Variants in CLYBL observed in about 807,000 individuals in gnomAD.
CLYBL encodes the protein citramalyl-CoA lyase, also known as citramalyl-CoA lyase, mitochondrial.
A neutral mutation model predicts 38.9 loss-of-function variants in CLYBL; 31 were observed. The observed-to-expected ratio is 0.80, with a 90% confidence interval of 0.60 to 1.08. The LOEUF (loss-of-function observed/expected upper bound fraction) is 1.08. Among genes scored for constraint, CLYBL ranks in the 50% least tolerant of loss-of-function variants. CLYBL has a pLI of 0.00. For synonymous variants in CLYBL, 171 were observed against 158.6 expected (o/e 1.08, Z -0.59); for missense variants, 434 against 411.6 (o/e 1.05, Z -0.47).
chr13:99,734,246 A>C (rs912605632), intron 1 of CLYBL, among the ~76,000 whole-genome samples: 61 of 152,254 alleles, frequency 4.0e-4, no homozygotes, highest in African/African-American at 1.4e-3. Context: ...AAGAGCAGAG[A>C]GCCCTCAAAA....
intron 1 of CLYBL, among the ~76,000 whole-genome samples, chr13:99,753,947 G>C (rs1432252344): frequency 6.6e-6 from 1 of 151,070 alleles, no homozygotes; most frequent in Non-Finnish European, 1.5e-5. Context: ...ACTTAGCTGG[G>C]CATGATGGCA....
At chr13:99,615,991 G>A (rs1594084186) in intron 1 of CLYBL, among the ~76,000 whole-genome samples, 1 of 151,932 alleles carries the variant, frequency 6.6e-6, no homozygotes, top group Non-Finnish European at 1.5e-5. Flanking sequence ...ACACCACCAC[G>A]CACAGCTAAT....
chr13:99,746,028 CA>C (rs11419450), intron 1 of CLYBL, among the ~76,000 whole-genome samples: 3 of 135,838 alleles, frequency 2.2e-5, no homozygotes, highest in African/African-American at 7.7e-5. Flanking sequence ...TGACAGTTAC[CA>C]AAAAAAAAAA....
intron 2 of CLYBL, among the ~76,000 whole-genome samples, chr13:99,832,514 G>A (rs553377234): frequency 6.6e-6 from 1 of 152,288 alleles, no homozygotes; most frequent in South Asian, 2.1e-4. Context: ...GATGGGGTGA[G>A]TATCTAGGCA....
chr13:99,859,188 A>C, intron 3 of CLYBL, 139 bp downstream of exon 3: 5 of 624,192 alleles, frequency 8.0e-6, no homozygotes, highest in Non-Finnish European at 1.3e-5. Flanking sequence ...CAGTAAGCTC[A>C]AGTATCCGTT....
intron 2 of CLYBL, among the ~76,000 whole-genome samples, chr13:99,784,827 C>T (rs1428932922): frequency 6.6e-6 from 1 of 152,148 alleles, no homozygotes. Context: ...TCTATTTTTA[C>T]AGTAGGATAG....
At chr13:99,671,080 G>C (rs945121603) in intron 1 of CLYBL, among the ~76,000 whole-genome samples, 1 of 152,070 alleles carries the variant, frequency 6.6e-6, no homozygotes, top group African/African-American at 2.4e-5. Flanking sequence ...GGTATACAGC[G>C]AGCTAGTTCC....
intron 2 of CLYBL, among the ~76,000 whole-genome samples, chr13:99,826,547 T>C (rs1326447331): frequency 6.6e-6 from 1 of 152,172 alleles, no homozygotes; most frequent in African/African-American, 2.4e-5. Flanking sequence ...CTCTCAGCAG[T>C]CCAGAAAATG....
intron 1 of CLYBL, among the ~76,000 whole-genome samples, chr13:99,741,476 G>T (rs2048753894): frequency 6.6e-6 from 1 of 152,060 alleles, no homozygotes; most frequent in African/African-American, 2.4e-5. Context: ...CTTGAAGGCT[G>T]ACTGCTGAAT....
At chr13:99,724,462 C>T (rs1003644593) in intron 1 of CLYBL, among the ~76,000 whole-genome samples, 15 of 151,796 alleles carry the variant, frequency 9.9e-5, no homozygotes, top group South Asian at 4.2e-4. Flanking sequence ...GGTTGGCAGC[C>T]GGCACCCTCC....
At chr13:99,732,179 T>G (rs1252366421) in intron 1 of CLYBL, among the ~76,000 whole-genome samples, 2 of 148,296 alleles carry the variant, frequency 1.3e-5, no homozygotes, top group Non-Finnish European at 3.0e-5. Context: ...GTTTTTTTTT[T>G]TTTTTTTTTT....
chr13:99,675,947 G>C (rs1348924101), intron 1 of CLYBL, among the ~76,000 whole-genome samples: 1 of 152,056 alleles, frequency 6.6e-6, no homozygotes, highest in Non-Finnish European at 1.5e-5. Flanking sequence ...TCCACCTCCC[G>C]GGTTCAAGTT....
intron 1 of CLYBL, among the ~76,000 whole-genome samples, chr13:99,636,423 T>C (rs1236198038): frequency 1.3e-5 from 2 of 152,336 alleles, no homozygotes. Flanking sequence ...CTGGTGAGCC[T>C]GTCTTCAGCT....
intron 1 of CLYBL, among the ~76,000 whole-genome samples, chr13:99,751,052 A>G (rs567204704): frequency 3.1e-4 from 47 of 152,310 alleles, no homozygotes; most frequent in South Asian, 1.7e-3. Flanking sequence ...TTGTACAGCC[A>G]TGTTCGTAGC....
intron 1 of CLYBL, among the ~76,000 whole-genome samples, chr13:99,730,943 C>T (rs376661589): frequency 4.0e-5 from 6 of 151,874 alleles, no homozygotes; most frequent in Non-Finnish European, 5.9e-5. Context: ...ATTAGCTGGG[C>T]GTGGTGGCAG....
chr13:99,668,022 C>A (rs1566604115), intron 1 of CLYBL, among the ~76,000 whole-genome samples: 1 of 152,132 alleles, frequency 6.6e-6, no homozygotes, highest in Non-Finnish European at 1.5e-5. Context: ...ACCTGTAATT[C>A]CAGCACTTTA....
At position 99,750,824 on chromosome 13, in the gene CLYBL, GAT is replaced by G. The variant is rs2048942624; in HGVS notation, c.63-21995_63-21994del. ...GACAATTTCCAAAGGATATATAAAA[GAT>G]ATATCTTTTTTTCTGGTTGTAAAAC... On this transcript the variant is annotated intron_variant, in intron 1 of 8. Transcript: ENST00000339105. Among the ~76,000 whole-genome samples, 11 of 141,804 alleles carry G rather than the reference GAT, an allele frequency of 7.8e-5. No homozygotes were observed. The South Asian group carries it at 2.4e-3, about 31-fold the overall frequency. 93.0% of individuals were successfully genotyped at this position (141,804 alleles called of 152,430 possible).
In CLYBL at chr13:99,773,026, TAG is replaced by T. The variant is rs1444119099; in HGVS notation, c.249+17_249+18del. ...AAACAAAAAGGTAATGGCATGATTT[TAG>T]TATGAGAAAAAGAAAGGTATTGAAA... is the stretch of plus-strand genomic sequence containing the variant. On this transcript the variant is annotated intron_variant, in intron 2 of 8. Coordinates refer to ENST00000339105, the MANE Select transcript of CLYBL (RefSeq NM_206808.5). 1 of 1,599,496 alleles carries T rather than the reference TAG, an allele frequency of 6.3e-7. No individual in the cohort carries two copies. The highest frequency in any genetic ancestry group is 1.1e-5 in the South Asian group (1 of 87,620).
At chr13:99,829,996 A>G (rs2050773979) in intron 2 of CLYBL, among the ~76,000 whole-genome samples, 1 of 152,144 alleles carries the variant, frequency 6.6e-6, no homozygotes, top group Non-Finnish European at 1.5e-5. Context: ...TTTGGGTCAC[A>G]TTCTGAATCA....
Sources: gnomAD v4.1 joint callset for allele counts (sites outside exome capture counted in the v4.1 genomes callset) on GRCh38, gnomAD v4.1.1 for gene constraint, MANE v1.5 for transcripts, NCBI Gene and HGNC (gene_info 2026-07-23, HGNC 2026-07-21) for gene names.